Variants in PLD2 observed in about 807,000 individuals in gnomAD.
PLD2 encodes choline phosphatase 2.
A neutral mutation model predicts 119.8 loss-of-function variants in PLD2; 101 were observed. That is an observed-to-expected ratio of 0.84 (90% CI 0.72 to 0.99). The LOEUF (loss-of-function observed/expected upper bound fraction) is 0.99, where lower values mean the gene tolerates loss of function less well. PLD2 is among the 50% of genes least tolerant of loss of function. PLD2 has a pLI of 0.00. For synonymous variants in PLD2, 494 were observed against 482.8 expected (o/e 1.02, Z -0.30); for missense variants, 1,164 against 1,226.8 (o/e 0.95, Z 0.76).
In PLD2 at chr17:4,818,572, C is replaced by T. The variant is rs765924127; in HGVS notation, c.2088C>T (p.Gly696=). ...GFEGDISTGG[G]NSIQAILHFT... ...AGGGTGACATCTCCACGGGCGGTGG[C>T]AACTCCATCCAGGCCATTCTGCACT... The change falls in exon 20 of 25, where the codon GGC becomes GGT. Residue 696 remains glycine, a synonymous_variant. Coordinates refer to ENST00000263088, the MANE Select transcript of PLD2 (RefSeq NM_002663.5). 2 of 1,613,878 alleles carry T rather than the reference C, an allele frequency of 1.2e-6. No homozygotes were observed. Among genetic ancestry groups the T allele is most frequent in the South Asian group, 2.2e-5 (2 of 91,070 alleles).
rs776757885 is a variant in PLD2, at chr17:4,819,923, G to A, written c.2462+341G>A. Among the ~76,000 whole-genome samples, 19 of 151,920 alleles carry A rather than the reference G, an allele frequency of 1.3e-4. No individual in the cohort carries two copies. The highest frequency in any genetic ancestry group is 2.5e-4 in the Non-Finnish European group (17 of 67,960). On this transcript the variant is annotated intron_variant, in intron 23 of 24. Coordinates refer to ENST00000263088, the MANE Select transcript of PLD2 (RefSeq NM_002663.5). This position sits in a 1 kb window ranked among gnomAD's most constrained non-coding sequence, Gnocchi z 4.2. ...TCAGTTTAGAGTATCAGTAAAGCAG[G>A]AACACCAAAAAACAAAAAGAGAAAA...
In PLD2 at chr17:4,808,447, G is replaced by A. The variant is rs778589316; in HGVS notation, c.383+31G>A. The A allele has an allele frequency of 1.9e-6, 3 of 1,603,608 alleles. No individual in the cohort carries two copies. Among genetic ancestry groups the A allele is most frequent in the Non-Finnish European group, 2.6e-6 (3 of 1,173,488 alleles). On this transcript the variant is annotated intron_variant, in intron 4 of 24. Transcript: ENST00000263088. The surrounding 1 kb of genome is among the most constrained non-coding windows in gnomAD (Gnocchi z 4.1). The stretch of plus-strand genomic sequence containing the variant: ...GGCGACCGGACTGCTTCCTGTAGAG[G>A]GCAGGTGCTCCCCACCCTCCTTTCT...
At chr17:4,813,732 G>A (rs571966228) in intron 10 of PLD2, among the ~76,000 whole-genome samples, 8 of 152,232 alleles carry the variant, frequency 5.3e-5, no homozygotes, top group South Asian at 4.1e-4. Context: ...GGTGGCGGGC[G>A]CCTGTAATTT....
In PLD2 at chr17:4,819,030, G is replaced by A; in HGVS notation, c.2174-54G>A. On this transcript the variant is annotated intron_variant, in intron 21 of 24. Coordinates refer to ENST00000263088, the MANE Select transcript of PLD2 (RefSeq NM_002663.5). The surrounding 1 kb of genome is among the most constrained non-coding windows in gnomAD (Gnocchi z 4.2). ...TTCTGGAGTGAGAGGAGGTGGGACA[G>A]GGCCCTGTGCACACAGAGCCACCTC... 1 of 1,604,442 alleles carries A rather than the reference G, an allele frequency of 6.2e-7. No individual in the cohort carries two copies. Among genetic ancestry groups the A allele is most frequent in the African/African-American group, 1.3e-5 (1 of 74,922 alleles).
chr17:4,809,153 C>T lies in PLD2; in HGVS notation c.437C>T (p.Ser146Phe). The T allele has an allele frequency of 6.2e-7, 1 of 1,614,214 alleles. No individual in the cohort carries two copies. The highest frequency in any genetic ancestry group is 1.1e-5 in the South Asian group (1 of 91,082). Residue 146 changes from serine to phenylalanine, a missense_variant, in exon 5 of 25, where the codon TCT (serine) becomes TTT (phenylalanine). By Grantham distance (155) the Ser-to-Phe change is radical. Coordinates refer to ENST00000263088, the MANE Select transcript of PLD2 (RefSeq NM_002663.5). ...ARDAGNREMP[S>F]LPRAGPEGST... Reference sequence around the variant, plus strand: ...GATGCAGGCAACAGAGAGATGCCCTCTCTACCCCGGGCAGGTCCTGAGGGC... The same window carrying T: ...GATGCAGGCAACAGAGAGATGCCCTTTCTACCCCGGGCAGGTCCTGAGGGC...
intron 15 of PLD2, 21 bp downstream of exon 15, chr17:4,816,767 A>C: frequency 6.2e-7 from 1 of 1,614,136 alleles, no homozygotes; most frequent in Non-Finnish European, 8.5e-7. Flanking sequence ...CCACCCGCCA[A>C]AGCCCCAGAG....
chr17:4,815,425 G>A, intron 12 of PLD2, 51 bp from the exon 13 acceptor site: 2 of 1,102,090 alleles, frequency 1.8e-6, no homozygotes, highest in Non-Finnish European at 2.8e-6. Flanking sequence ...AGTGTGGAAA[G>A]GGGCTACTCT....
At position 4,815,557 on chromosome 17, in the gene PLD2, G is replaced by T. The variant is rs1567530328; in HGVS notation, c.1255G>T (p.Ala419Ser). 1 of 1,613,320 alleles carries T rather than the reference G, an allele frequency of 6.2e-7. No homozygotes were observed. The highest frequency in any genetic ancestry group is 8.5e-7 in the Non-Finnish European group (1 of 1,179,544). ...LGINSGYSKRALMLLHPNIKV... is the reference protein window; with the variant it reads ...LGINSGYSKRSLMLLHPNIKV... ...CATCAACAGTGGCTATAGCAAGAGG[G>T]CGCTGATGCTGCTGCACCCCAACAT... The change falls in exon 13 of 25, where the codon GCG becomes TCG. Residue 419 changes from alanine to serine, a missense_variant. By Grantham distance (99) the Ala-to-Ser change is moderately conservative. Transcript: ENST00000263088.
Position 4,816,958 on chromosome 17 carries a change from C to T in PLD2, c.1604C>T (p.Thr535Ile). The T allele has an allele frequency of 1.2e-6, 2 of 1,613,722 alleles. No individual in the cohort carries two copies. Among genetic ancestry groups the T allele is most frequent in the Non-Finnish European group, 1.7e-6 (2 of 1,179,776 alleles). Reference protein sequence around the residue: ...PFEDFIDRETTPRMPWRDVGV... With the variant: ...PFEDFIDRETIPRMPWRDVGV... Reference sequence around the variant, plus strand: ...CCAGATTTCATTGACAGGGAGACGACCCCTCGGATGCCATGGCGGGACGTT... The same window carrying T: ...CCAGATTTCATTGACAGGGAGACGATCCCTCGGATGCCATGGCGGGACGTT... The change falls in exon 16 of 25, where the codon ACC becomes ATC. Residue 535 changes from threonine to isoleucine, a missense_variant. Coordinates refer to ENST00000263088, the MANE Select transcript of PLD2 (RefSeq NM_002663.5).
At chr17:4,812,688 G>A (rs1906600313) in intron 10 of PLD2, among the ~76,000 whole-genome samples, 1 of 152,096 alleles carries the variant, frequency 6.6e-6, no homozygotes, top group African/African-American at 2.4e-5. Context: ...GCCTATAGTG[G>A]GGCACACGAG....
Position 4,816,681 on chromosome 17 carries a change from G to T in PLD2, c.1517G>T (p.Trp506Leu), listed in dbSNP as rs1299781375. ...GACCTCTCTCACAACCAATTCTTCT[G>T]GCTGGGCAAGGACTACAGCAATCTT... ...TPDLSHNQFFWLGKDYSNLIT... is the reference protein window; with the variant it reads ...TPDLSHNQFFLLGKDYSNLIT... Residue 506 changes from tryptophan to leucine, a missense_variant, in exon 15 of 25, where the codon TGG (tryptophan) becomes TTG (leucine). Coordinates refer to ENST00000263088, the MANE Select transcript of PLD2 (RefSeq NM_002663.5). 6 of 1,614,074 alleles carry T rather than the reference G, an allele frequency of 3.7e-6. No homozygotes were observed. Among genetic ancestry groups the T allele is most frequent in the Non-Finnish European group, 5.1e-6 (6 of 1,180,030 alleles).
chr17:4,817,067 C>G lies in PLD2; in HGVS notation c.1701+12C>G, dbSNP rs1484260505. The stretch of plus-strand genomic sequence containing the variant: ...GGAACTTCACCAAGGTGTTCATTCC[C>G]TCCGATAGGGGCTGGAGGTAGGGAG... On this transcript the variant is annotated intron_variant, in intron 16 of 24. Transcript: ENST00000263088. 2 of 1,611,654 alleles carry G rather than the reference C, an allele frequency of 1.2e-6. No individual in the cohort carries two copies. The highest frequency in any genetic ancestry group is 3.3e-5 in the Admixed American group (2 of 60,008).
intron 23 of PLD2, among the ~76,000 whole-genome samples, chr17:4,820,003 A>T (rs940755329): frequency 1.9e-4 from 29 of 151,802 alleles, no homozygotes; most frequent in African/African-American, 6.0e-4. Context: ...CTGGAGTGCA[A>T]TGGCGAGATC....
chr17:4,811,297 CTTTTTTTTTTTT>C (rs35190261), intron 10 of PLD2, among the ~76,000 whole-genome samples: 1 of 77,850 alleles, frequency 1.3e-5, no homozygotes, highest in African/African-American at 4.9e-5. Flanking sequence ...ATTTTCTTTT[CTTTTTTTTTTTT>C]TTTTTTTTTG....
chr17:4,811,306 T>TTC (rs2150670639), intron 10 of PLD2, among the ~76,000 whole-genome samples: 1 of 147,470 alleles, frequency 6.8e-6, no homozygotes, highest in East Asian at 2.0e-4. Flanking sequence ...TCTTTTTTTT[T>TTC]TTTTTTTTTT....
chr17:4,819,305 A>C lies in PLD2; in HGVS notation c.2308+87A>C. The C allele has an allele frequency of 1.3e-6, 2 of 1,594,372 alleles. No homozygotes were observed. The highest frequency in any genetic ancestry group is 2.2e-5 in the South Asian group (2 of 89,554). ...GGCAGGATGACAGAGACTGCAGCTGAGGCTCGTGTAGGGGTGGAGGGTCCA... is the reference window on the plus strand; with the variant it reads ...GGCAGGATGACAGAGACTGCAGCTGCGGCTCGTGTAGGGGTGGAGGGTCCA... On this transcript the variant is annotated intron_variant, in intron 22 of 24. Coordinates refer to ENST00000263088, the MANE Select transcript of PLD2 (RefSeq NM_002663.5). This position sits in a 1 kb window ranked among gnomAD's most constrained non-coding sequence, Gnocchi z 4.2.
rs192832148 is a variant in PLD2, at chr17:4,817,132, T to C, written c.1702-14T>C. On this transcript the variant is annotated splice_polypyrimidine_tract_variant and intron_variant, in intron 16 of 24. Transcript: ENST00000263088. ...TTGGCACCTCCTGCTGACTCTGCCA[T>C]CCCTCCACGTCAGACCACCAAGGCC... 6.0e-5 allele frequency: 97 copies of C among 1,606,082 alleles called. No individual in the cohort carries two copies. The African/African-American group carries it at 1.2e-3, about 19-fold the overall frequency.
Position 4,822,642 on chromosome 17 carries a change from C to T in PLD2, c.2580C>T (p.Ile860=), listed in dbSNP as rs114652175. The change falls in exon 25 of 25, where the codon ATC becomes ATT. Residue 860 remains isoleucine (I), a splice_region_variant and synonymous_variant. Coordinates refer to ENST00000263088, the MANE Select transcript of PLD2 (RefSeq NM_002663.5). Reference sequence around the variant, plus strand: ...GGCGTCCATGCCCCCGCCCACAGATCTTCCGCTGCCTGCCATCCAATGCCA... The same window carrying T: ...GGCGTCCATGCCCCCGCCCACAGATTTTCCGCTGCCTGCCATCCAATGCCA... ...AESNANIYEQ[I]FRCLPSNATR... The T allele has an allele frequency of 3.7e-3, 5,944 of 1,603,276 alleles. 154 individuals carry two copies. The African/African-American group carries it at 0.064, about 17-fold the overall frequency.
rs776616081 is a variant in PLD2, at chr17:4,816,654, C to T, written c.1490C>T (p.Pro497Leu). ...PTPRPDSPATPDLSHNQFFWL... is the reference protein window; with the variant it reads ...PTPRPDSPATLDLSHNQFFWL... ...CCGCGCCCAGACTCACCAGCCACCC[C>T]AGACCTCTCTCACAACCAATTCTTC... is the stretch of plus-strand genomic sequence containing the variant. The change falls in exon 15 of 25, where the codon CCA becomes CTA. Residue 497 changes from proline to leucine, a missense_variant. Coordinates refer to ENST00000263088, the MANE Select transcript of PLD2 (RefSeq NM_002663.5). 1.2e-5 allele frequency: 20 copies of T among 1,614,132 alleles called. No homozygotes were observed. The highest frequency in any genetic ancestry group is 1.7e-5 in the Admixed American group (1 of 60,000).
Sources: gnomAD v4.1 joint callset for allele counts (sites outside exome capture counted in the v4.1 genomes callset) on GRCh38, gnomAD v4.1.1 for gene constraint, Gnocchi (gnomAD v3.1) non-coding constraint, MANE v1.5 for transcripts, NCBI Gene and HGNC (gene_info 2026-07-23, HGNC 2026-07-21) for gene names.